OPN3: variants seen among roughly 807,000 people sequenced by gnomAD.
OPN3 encodes the protein opsin-3.
Under a neutral mutation model 33.8 loss-of-function variants are expected in OPN3, and 29 were observed. The ratio of observed to expected loss-of-function variants is 0.86; its 90% CI spans 0.64 to 1.17. The LOEUF is 1.17. Among genes scored for constraint, OPN3 ranks in the 50% most tolerant of loss-of-function variants. The probability of loss-of-function intolerance (pLI) is 0.00; values close to 1 mark genes in which losing one functional copy is unlikely to be tolerated. For synonymous variants in OPN3, 216 were observed against 216.1 expected (o/e 1.00, Z 0.00); for missense variants, 437 against 514.1 (o/e 0.85, Z 1.45).
At chr1:241,634,780 T>C in intron 1 of OPN3, 2 of 1,614,036 alleles carry the variant, frequency 1.2e-6, no homozygotes, top group East Asian at 2.2e-5. Flanking sequence ...GAGTTAGTTT[T>C]TTAGTTTTTA....
At chr1:241,594,893 C>T in intron 3 of OPN3, 1 of 584,270 alleles carries the variant, frequency 1.7e-6, no homozygotes, top group African/African-American at 1.9e-5. Flanking sequence ...TTCTTATTAA[C>T]CGGAATATGT....
chr1:241,634,853 A>C (rs1159115204), intron 1 of OPN3: 4 of 1,610,012 alleles, frequency 2.5e-6, no homozygotes, highest in Non-Finnish European at 3.4e-6. Flanking sequence ...TTCATACTCT[A>C]AACAAAATGT....
chr1:241,602,511 GGGA>G (rs1041826374), intron 2 of OPN3, among the ~76,000 whole-genome samples: 108 of 152,312 alleles, frequency 7.1e-4, no homozygotes, highest in African/African-American at 2.4e-3. Flanking sequence ...TCTGGAGGCT[GGGA>G]AGTCCCAGGT....
intron 1 of OPN3, among the ~76,000 whole-genome samples, chr1:241,612,571 T>A (rs1258262876): frequency 1.3e-5 from 2 of 151,952 alleles, no homozygotes; most frequent in African/African-American, 2.4e-5. Context: ...GATTATGAGG[T>A]CAGCTTGCTC....
chr1:241,609,719 T>C (rs1156691715), intron 1 of OPN3, among the ~76,000 whole-genome samples: 1 of 152,160 alleles, frequency 6.6e-6, no homozygotes, highest in Non-Finnish European at 1.5e-5. Context: ...AAAGCTTAAG[T>C]TGGGTCATAA....
At position 241,640,151 on chromosome 1, in the gene OPN3, AG is replaced by A. The variant is rs1665066405; in HGVS notation, c.103del (p.Leu35SerfsTer69). On this transcript the variant is annotated frameshift_variant, in exon 1 of 4. Transcript: ENST00000366554. LOFTEE classifies it high-confidence loss of function. ...GCGCTCGTAGGTGCCGGGGCTGAAG[AG>A]GGGCGCGGGGCTCAGTGTCCCCGCC... is the stretch of plus-strand genomic sequence containing the variant. ...APAGTLSPAP[L>X]FSPGTYERLA... 6.6e-7 allele frequency: 1 copy of A among 1,520,890 alleles called. No homozygotes were observed. The highest frequency in any genetic ancestry group is 1.4e-5 in the African/African-American group (1 of 69,200). The allele number at this position is 1,520,890 out of a possible 1,614,324, so 94.2% of individuals were successfully genotyped here.
At chr1:241,613,584 C>T (rs1009654697) in intron 1 of OPN3, among the ~76,000 whole-genome samples, 8 of 152,072 alleles carry the variant, frequency 5.3e-5, no homozygotes, top group African/African-American at 1.9e-4. Context: ...TTTTTAAACT[C>T]AATATTCTTA....
intron 1 of OPN3, chr1:241,630,174 T>A (rs761517701): frequency 6.6e-6 from 1 of 152,080 alleles, no homozygotes; most frequent in Non-Finnish European, 1.5e-5. Flanking sequence ...GGAGTGACTT[T>A]CCCAAGAGTA....
chr1:241,603,737 G>A (rs374211206), intron 2 of OPN3, among the ~76,000 whole-genome samples: 1 of 152,168 alleles, frequency 6.6e-6, no homozygotes, highest in East Asian at 1.9e-4. Context: ...AACATCCATG[G>A]CCAAAGCTAG....
intron 1 of OPN3, among the ~76,000 whole-genome samples, chr1:241,624,283 A>G (rs1664351236): frequency 6.7e-6 from 1 of 150,080 alleles, no homozygotes; most frequent in Non-Finnish European, 1.5e-5. Flanking sequence ...GACACTGTGG[A>G]CCCTCTTTCA....
chr1:241,634,594 C>G, intron 1 of OPN3: 1 of 1,613,816 alleles, frequency 6.2e-7, no homozygotes, highest in Non-Finnish European at 8.5e-7. Flanking sequence ...CTGCACACAT[C>G]CTACAGAAAC....
chr1:241,602,350 A>C (rs1663699170), intron 2 of OPN3, among the ~76,000 whole-genome samples: 4 of 152,168 alleles, frequency 2.6e-5, no homozygotes, highest in African/African-American at 9.6e-5. Flanking sequence ...CATATCTGGG[A>C]GCTCATCAAT....
chr1:241,634,484 C>A (rs761521790), intron 1 of OPN3: 22 of 1,613,624 alleles, frequency 1.4e-5, no homozygotes, highest in Admixed American at 5.0e-5. Context: ...AGCATTTATT[C>A]TTTGACCAAA....
At chr1:241,631,484 A>T (rs1019721184) in intron 1 of OPN3, 2 of 152,130 alleles carry the variant, frequency 1.3e-5, no homozygotes, top group African/African-American at 4.8e-5. Flanking sequence ...ACTTTAGGAT[A>T]AAGTTTAAAT....
Position 241,593,320 on chromosome 1 carries a change from C to T in OPN3, c.*1108G>A, listed in dbSNP as rs1253012670. The T allele has an allele frequency of 2.5e-6, 1 of 407,310 alleles. No homozygotes were observed. The highest frequency in any genetic ancestry group is 5.5e-6 in the Non-Finnish European group (1 of 182,664). 25.2% of individuals were successfully genotyped at this position (407,310 alleles called of 1,614,324 possible). ...CAGCAATACACTTGATTTTTAAAAG[C>T]ACATTTAGTGAAATGTTTTCTTTGG... On this transcript the variant is annotated 3_prime_UTR_variant, in exon 4 of 4. Coordinates refer to ENST00000366554, the MANE Select transcript of OPN3 (RefSeq NM_014322.3).
Position 241,593,264 on chromosome 1 carries a change from T to C in OPN3, c.*1164A>G, listed in dbSNP as rs1663383146. On this transcript the variant is annotated 3_prime_UTR_variant, in exon 4 of 4. Transcript: ENST00000366554. Reference sequence around the variant, plus strand: ...CAGACCCTCAGAAGCAATTTACTAATTTATTCTTCGACTACATACTGCAGC... The same window carrying C: ...CAGACCCTCAGAAGCAATTTACTAACTTATTCTTCGACTACATACTGCAGC... The C allele has an allele frequency of 3.1e-6, 1 of 318,762 alleles. No individual in the cohort carries two copies. The highest frequency in any genetic ancestry group is 2.1e-5 in the African/African-American group (1 of 47,186). 19.7% of individuals were successfully genotyped at this position (318,762 alleles called of 1,614,324 possible). A position where few individuals can be genotyped will look rare whatever the true frequency, so the allele number is the denominator to read the frequency against.
chr1:241,598,067 C>T, intron 2 of OPN3, 70 bp from the exon 3 acceptor site: 2 of 1,505,808 alleles, frequency 1.3e-6, no homozygotes, highest in Non-Finnish European at 1.8e-6. Context: ...GTTTTTATAA[C>T]AGATATTCAG....
At chr1:241,634,660 C>A (rs1474652859) in intron 1 of OPN3, 1 of 1,613,918 alleles carries the variant, frequency 6.2e-7, no homozygotes, top group Non-Finnish European at 8.5e-7. Flanking sequence ...TGTTGCCAAA[C>A]CGTCCGAGAC....
chr1:241,618,972 T>TTATA lies in OPN3; in HGVS notation c.374-14397_374-14394dup, dbSNP rs139434037. The stretch of plus-strand genomic sequence containing the variant: ...TCAAGCCTCCAGTGGGCAGGCTAGT[T>TTATA]TATATATATATATATATATTTCAGA... On this transcript the variant is annotated intron_variant, in intron 1 of 3. Transcript: ENST00000366554. Among the ~76,000 whole-genome samples the TTATA allele has an allele frequency of 9.1e-3, 1,351 of 147,904 alleles. 16 individuals are homozygous for TTATA. The highest frequency in any genetic ancestry group is 0.03 in the African/African-American group (1,223 of 40,408).
Sources: allele counts gnomAD v4.1 joint callset (sites outside exome capture counted in the v4.1 genomes callset), GRCh38; gene constraint gnomAD v4.1.1; transcripts MANE v1.5; gene names NCBI Gene and HGNC (gene_info 2026-07-23, HGNC 2026-07-21).